C11orf65: variants seen among roughly 807,000 people sequenced by gnomAD.
C11orf65 encodes chromosome 11 open reading frame 65.
Under a neutral mutation model 35.3 loss-of-function variants are expected in C11orf65, and 38 were observed. The ratio of observed to expected loss-of-function variants is 1.08; its 90% CI spans 0.83 to 1.41. The LOEUF (loss-of-function observed/expected upper bound fraction) is 1.41, where lower values mean the gene tolerates loss of function less well. C11orf65 is among the 40% of genes most tolerant of loss of function. C11orf65 has a pLI of 0.00. For synonymous variants in C11orf65, 105 were observed against 114.4 expected (o/e 0.92, Z 0.53); for missense variants, 370 against 367.1 (o/e 1.01, Z -0.06).
At chr11:108,377,071 T>G (rs1220899218) in intron 2 of C11orf65, among the ~76,000 whole-genome samples, 1 of 151,400 alleles carries the variant, frequency 6.6e-6, no homozygotes, top group Non-Finnish European at 1.5e-5. Flanking sequence ...ACTGGTACCA[T>G]TCCTTCTGAA....
At chr11:108,358,761 C>T (rs2090347990) in intron 2 of C11orf65, among the ~76,000 whole-genome samples, 1 of 147,726 alleles carries the variant, frequency 6.8e-6, no homozygotes, top group Non-Finnish European at 1.5e-5. Context: ...ATTTTGTCAC[C>T]ACCAGGCCTA....
intron 3 of C11orf65, among the ~76,000 whole-genome samples, chr11:108,426,344 T>C (rs1219462594): frequency 6.6e-6 from 1 of 152,108 alleles, no homozygotes; most frequent in Non-Finnish European, 1.5e-5. Flanking sequence ...AGCATTCCTA[T>C]ACACCAATAA....
At chr11:108,460,419 T>A (rs1365470843) in intron 2 of C11orf65, among the ~76,000 whole-genome samples, 1 of 152,178 alleles carries the variant, frequency 6.6e-6, no homozygotes, top group African/African-American at 2.4e-5. Context: ...AGACCAGCTC[T>A]ACCCTTATAA....
In C11orf65 at chr11:108,360,146, C is replaced by T. The variant is rs561293201; in HGVS notation, c.227-24854G>A. Reference sequence around the variant, plus strand: ...CCGATCCCACAGAAATACAAACTACCATCAGAGAATACTACAAACACCTCT... The same window carrying T: ...CCGATCCCACAGAAATACAAACTACTATCAGAGAATACTACAAACACCTCT... On this transcript the variant is annotated intron_variant, in intron 2 of 3. Coordinates refer to the C11orf65 transcript ENST00000524755. Among the ~76,000 whole-genome samples the T allele has an allele frequency of 6.2e-3, 935 of 150,624 alleles. 2 individuals are homozygous for T. Among genetic ancestry groups the T allele is most frequent in the Non-Finnish European group, 9.7e-3 (655 of 67,364 alleles).
intron 2 of C11orf65, among the ~76,000 whole-genome samples, chr11:108,346,328 T>C (rs1421781549): frequency 1.3e-5 from 2 of 152,122 alleles, no homozygotes; most frequent in Admixed American, 6.5e-5. Flanking sequence ...TACTTTTTAA[T>C]AGAATTTTGT....
intron 2 of C11orf65, among the ~76,000 whole-genome samples, chr11:108,461,039 T>C (rs574670257): frequency 6.6e-6 from 1 of 152,236 alleles, no homozygotes; most frequent in African/African-American, 2.4e-5. Context: ...AGTCTGCTTT[T>C]TAAAGTGAAG....
Position 108,383,048 on chromosome 11 carries a change from T to C in C11orf65, c.915A>G (p.Leu305=), listed in dbSNP as rs1457458555. 1.2e-6 allele frequency: 2 copies of C among 1,610,176 alleles called. No homozygotes were observed. The highest frequency in any genetic ancestry group is 3.4e-5 in the Admixed American group (2 of 58,762). The change falls in exon 9 of 9, where the codon TTA becomes TTG. Residue 305 remains leucine, a synonymous_variant. Transcript: ENST00000393084. ...ATAGTCCATAAGTAGAATCAGGCGT[T>C]AATCTAGTTACATTTGGTTCTTGAT... The part of the protein sequence containing the change: ...NVYQEPNVTR[L]TPDSTYGL
intron 3 of C11orf65, among the ~76,000 whole-genome samples, chr11:108,423,712 G>C (rs1392668572): frequency 6.6e-6 from 1 of 152,136 alleles, no homozygotes; most frequent in Non-Finnish European, 1.5e-5. Context: ...CCAGAGGAAG[G>C]AACAGTCAGC....
chr11:108,320,973 T>C (rs986003916), intron 6 of C11orf65, among the ~76,000 whole-genome samples: 1 of 152,172 alleles, frequency 6.6e-6, no homozygotes, highest in Non-Finnish European at 1.5e-5. Flanking sequence ...ATATATTTAC[T>C]AGTAAGTGGA....
intron 3 of C11orf65, among the ~76,000 whole-genome samples, chr11:108,414,536 C>T (rs2092704759): frequency 6.6e-6 from 1 of 151,864 alleles, no homozygotes. Flanking sequence ...TTTTAATAGG[C>T]CTATCTCTAT....
chr11:108,347,418 T>A (rs2088581472), intron 2 of C11orf65: 5 of 1,395,866 alleles, frequency 3.6e-6, no homozygotes, highest in Non-Finnish European at 4.1e-6. Context: ...TTGGTCATCA[T>A]GGAATGTTGT....
intron 6 of C11orf65, among the ~76,000 whole-genome samples, chr11:108,403,415 T>G (rs1187277283): frequency 2.1e-5 from 3 of 145,378 alleles, no homozygotes; most frequent in East Asian, 3.9e-4. Flanking sequence ...AGAGGTTTTT[T>G]TTTTGTTTTT....
chr11:108,448,570 G>C (rs2093300503), intron 2 of C11orf65, among the ~76,000 whole-genome samples: 1 of 152,142 alleles, frequency 6.6e-6, no homozygotes, highest in African/African-American at 2.4e-5. Flanking sequence ...AAAGGCCTTT[G>C]ACAAAATTCA....
chr11:108,356,991 C>T (rs2090027937), intron 2 of C11orf65, among the ~76,000 whole-genome samples: 2 of 152,180 alleles, frequency 1.3e-5, no homozygotes, highest in South Asian at 2.1e-4. Flanking sequence ...CCAGCGTGAG[C>T]GATGCAGAAG....
intron 2 of C11orf65, among the ~76,000 whole-genome samples, chr11:108,452,259 G>A (rs1408473462): frequency 2.0e-5 from 3 of 152,132 alleles, no homozygotes; most frequent in Non-Finnish European, 1.5e-5. Context: ...CTACCCATAT[G>A]ACAAAGGGCT....
chr11:108,438,172 T>C (rs1435548116), intron 2 of C11orf65, among the ~76,000 whole-genome samples: 3 of 152,188 alleles, frequency 2.0e-5, no homozygotes, highest in Non-Finnish European at 4.4e-5. Flanking sequence ...TTTCAACAAA[T>C]GTATCCGTGA....
At chr11:108,467,250 T>C (rs1005101805) in intron 1 of C11orf65, among the ~76,000 whole-genome samples, 2 of 152,102 alleles carry the variant, frequency 1.3e-5, no homozygotes, top group Admixed American at 6.5e-5. Context: ...AAAGGAGCTC[T>C]GAGGAAGGGG....
intron 6 of C11orf65, chr11:108,325,271 T>TA: frequency 9.7e-7 from 1 of 1,032,894 alleles, no homozygotes; most frequent in Non-Finnish European, 1.4e-6. Flanking sequence ...TTTTTTTTCA[T>TA]TTCTCTTGCT....
At chr11:108,335,143 G>A (rs751684348) in intron 3 of C11orf65, 11 of 1,613,320 alleles carry the variant, frequency 6.8e-6, no homozygotes, top group African/African-American at 2.7e-5. Context: ...AGCCCTTAGA[G>A]TTTTAGTGAT....
Sources: gnomAD v4.1 joint callset for allele counts (sites outside exome capture counted in the v4.1 genomes callset) on GRCh38, gnomAD v4.1.1 for gene constraint, MANE v1.5 for transcripts, NCBI Gene and HGNC (gene_info 2026-07-23, HGNC 2026-07-21) for gene names.